Variants in IQGAP2 observed in about 807,000 individuals in gnomAD.
IQGAP2 encodes the protein ras GTPase-activating-like protein IQGAP2.
In IQGAP2, 173 loss-of-function variants were observed where a neutral mutation model predicts 201.3. That is an observed-to-expected ratio of 0.86 (90% CI 0.76 to 0.98). The LOEUF (loss-of-function observed/expected upper bound fraction) is 0.98, where lower values mean the gene tolerates loss of function less well. Among genes scored for constraint, IQGAP2 ranks in the 50% least tolerant of loss-of-function variants. The probability of loss-of-function intolerance (pLI) is 0.00; values close to 1 mark genes in which losing one functional copy is unlikely to be tolerated. For synonymous variants in IQGAP2, 675 were observed against 673.9 expected (o/e 1.00, Z -0.03); for missense variants, 1,687 against 1,864.8 (o/e 0.90, Z 1.76).
At chr5:76,523,076 C>CTTTTTT (rs35277348) in intron 2 of IQGAP2, among the ~76,000 whole-genome samples, 14 of 78,360 alleles carry the variant, frequency 1.8e-4, no homozygotes, top group Non-Finnish European at 2.6e-4. Flanking sequence ...TTTCTTTTGC[C>CTTTTTT]TTTTTTTTTT....
chr5:76,604,688 AT>A (rs1423504514), intron 11 of IQGAP2, among the ~76,000 whole-genome samples: 2 of 152,192 alleles, frequency 1.3e-5, no homozygotes, highest in African/African-American at 4.8e-5. Context: ...AATGGTCTCC[AT>A]CTGTGAGGGA....
chr5:76,481,787 CT>C (rs1272722369), intron 2 of IQGAP2, among the ~76,000 whole-genome samples: 1 of 152,200 alleles, frequency 6.6e-6, no homozygotes, highest in African/African-American at 2.4e-5. Flanking sequence ...GCAGCTCAGA[CT>C]AGCTGCACTT....
chr5:76,593,870 T>C (rs1026553897), intron 9 of IQGAP2, among the ~76,000 whole-genome samples: 1 of 152,194 alleles, frequency 6.6e-6, no homozygotes, highest in Non-Finnish European at 1.5e-5. Flanking sequence ...TGCAAAGAAG[T>C]GTACACCCAC....
At chr5:76,611,621 T>G (rs1748420722) in intron 13 of IQGAP2, among the ~76,000 whole-genome samples, 1 of 152,166 alleles carries the variant, frequency 6.6e-6, no homozygotes, top group Non-Finnish European at 1.5e-5. Context: ...CAAGTAATAG[T>G]AAAGATAAGG....
intron 13 of IQGAP2, among the ~76,000 whole-genome samples, 186 bp from the exon 14 acceptor site, chr5:76,627,224 G>A (rs912851795): frequency 2.0e-5 from 3 of 152,184 alleles, no homozygotes; most frequent in African/African-American, 7.2e-5. Context: ...TGGTGGGGAA[G>A]AAGGAGGAAG....
At chr5:76,647,583 G>A (rs967025379) in intron 17 of IQGAP2, among the ~76,000 whole-genome samples, 5 of 152,196 alleles carry the variant, frequency 3.3e-5, no homozygotes, top group South Asian at 4.1e-4. Context: ...TGCTGCCACC[G>A]TGTAAGAAGT....
intron 10 of IQGAP2, 38 bp downstream of exon 10, chr5:76,597,640 C>A: frequency 1.2e-6 from 2 of 1,607,328 alleles, no homozygotes; most frequent in Non-Finnish European, 1.7e-6. Context: ...GGACGGTAAC[C>A]CTGCGTGCCA....
intron 1 of IQGAP2, among the ~76,000 whole-genome samples, chr5:76,405,327 C>A (rs970024972): frequency 7.9e-5 from 12 of 152,164 alleles, no homozygotes; most frequent in African/African-American, 2.9e-4. Context: ...TCCACAGGGC[C>A]GCTTTCTTTG....
chr5:76,530,885 C>T (rs1759251931), intron 2 of IQGAP2, among the ~76,000 whole-genome samples: 1 of 152,170 alleles, frequency 6.6e-6, no homozygotes, highest in Non-Finnish European at 1.5e-5. Flanking sequence ...TGAATGGGAA[C>T]ATTTTGTAAA....
rs561043947 is a variant in IQGAP2, at chr5:76,439,639, G to A, written c.47-21931G>A. On this transcript the variant is annotated intron_variant, in intron 1 of 35. Transcript: ENST00000274364. Reference sequence around the variant, plus strand: ...TCTTTTTTACTGTTGTTGTTTTAAAGTATGTTTTTTCTGATATAAGAATAG... The same window carrying A: ...TCTTTTTTACTGTTGTTGTTTTAAAATATGTTTTTTCTGATATAAGAATAG... 3.9e-4 allele frequency among the ~76,000 whole-genome samples: 59 copies of A among 151,976 alleles called. 1 individual carries two copies. Among genetic ancestry groups the A allele is most frequent in the African/African-American group, 1.2e-3 (48 of 41,460 alleles).
intron 21 of IQGAP2, among the ~76,000 whole-genome samples, chr5:76,663,090 G>C (rs1456156650): frequency 2.0e-5 from 3 of 152,246 alleles, no homozygotes; most frequent in Non-Finnish European, 4.4e-5. Context: ...GAAGTAAACA[G>C]ATTTAGAGCT....
At chr5:76,589,582 G>A (rs767109897) in intron 6 of IQGAP2, 33 bp from the exon 7 acceptor site, 6 of 1,232,818 alleles carry the variant, frequency 4.9e-6, no homozygotes, top group Non-Finnish European at 7.0e-6. Flanking sequence ...AGCTTTCTCT[G>A]ATAATGATTA....
At chr5:76,665,000 G>C (rs253092) in intron 21 of IQGAP2, 26 bp from the exon 22 acceptor site, 1,147,719 of 1,322,524 alleles carry the variant, frequency 0.87, 498,596 homozygotes, top group East Asian at 0.91. Flanking sequence ...AATTAAAAAG[G>C]AGTAATCTCA....
At chr5:76,571,232 G>A (rs1405542060) in intron 4 of IQGAP2, among the ~76,000 whole-genome samples, 2 of 152,032 alleles carry the variant, frequency 1.3e-5, no homozygotes, top group Non-Finnish European at 2.9e-5. Flanking sequence ...CCAGTCTGGA[G>A]TACAGTGGCT....
At chr5:76,686,765 TCC>T (rs1338389846) in intron 30 of IQGAP2, among the ~76,000 whole-genome samples, 1 of 152,272 alleles carries the variant, frequency 6.6e-6, no homozygotes, top group African/African-American at 2.4e-5. Flanking sequence ...CACCTCAGCC[TCC>T]CAAAGTGCTG....
chr5:76,702,360 C>G, intron 34 of IQGAP2, 122 bp from the exon 35 acceptor site: 1 of 598,450 alleles, frequency 1.7e-6, no homozygotes, highest in South Asian at 2.1e-5. Context: ...TGGTGACTTC[C>G]TTAGGATTTT....
chr5:76,701,484 TA>T (rs2150562227), intron 34 of IQGAP2, among the ~76,000 whole-genome samples: 1 of 152,320 alleles, frequency 6.6e-6, no homozygotes, highest in South Asian at 2.1e-4. Flanking sequence ...GCAATGAGAG[TA>T]AAAGGCTGTC....
At chr5:76,584,054 G>C (rs902902575) in intron 5 of IQGAP2, among the ~76,000 whole-genome samples, 2 of 151,970 alleles carry the variant, frequency 1.3e-5, no homozygotes, top group Non-Finnish European at 1.5e-5. Flanking sequence ...TGTATTTTTA[G>C]TAGAGATGGG....
chr5:76,648,253 CT>C (rs1752230974), intron 17 of IQGAP2, among the ~76,000 whole-genome samples: 3 of 152,126 alleles, frequency 2.0e-5, no homozygotes, highest in Admixed American at 6.5e-5. Flanking sequence ...CACTAGCCTC[CT>C]TTTTTTCTCT....
Sources: gnomAD v4.1 joint callset for allele counts (sites outside exome capture counted in the v4.1 genomes callset) on GRCh38, gnomAD v4.1.1 for gene constraint, MANE v1.5 for transcripts, NCBI Gene and HGNC (gene_info 2026-07-23, HGNC 2026-07-21) for gene names.